ROBO2: variants seen among roughly 807,000 people sequenced by gnomAD.
The protein encoded by ROBO2 is roundabout homolog 2.
ROBO2 carries 53 observed loss-of-function variants against 160.8 expected under a neutral mutation model. The observed-to-expected ratio is 0.33, with a 90% CI of 0.26 to 0.41. The LOEUF (loss-of-function observed/expected upper bound fraction) is 0.41, where lower values mean the gene tolerates loss of function less well. Among genes scored for constraint, ROBO2 ranks in the 10% least tolerant of loss-of-function variants. The pLI, the probability that ROBO2 is intolerant of heterozygous loss-of-function variation, is 1.00. For missense variants in ROBO2, 1,577 were observed against 1,722.4 expected (o/e 0.92, Z 1.49); for synonymous variants, 664 against 611.7 (o/e 1.09, Z -1.26).
At chr3:76,457,867 G>A (rs2077858386) in intron 2 of ROBO2, among the ~76,000 whole-genome samples, 1 of 152,118 alleles carries the variant, frequency 6.6e-6, no homozygotes, top group African/African-American at 2.4e-5. Context: ...CTGTACCTTG[G>A]CCCCTTTCAG....
chr3:77,252,204 A>C (rs2153303188), intron 2 of ROBO2, among the ~76,000 whole-genome samples: 1 of 152,272 alleles, frequency 6.6e-6, no homozygotes, highest in African/African-American at 2.4e-5. Flanking sequence ...CTGTATAATA[A>C]GGATTTCCTT....
intron 5 of ROBO2, among the ~76,000 whole-genome samples, chr3:77,502,329 A>C (rs1283387330): frequency 1.3e-5 from 2 of 152,192 alleles, no homozygotes; most frequent in Non-Finnish European, 2.9e-5. Flanking sequence ...GCACATGTTA[A>C]AGTTTTGAAA....
chr3:76,142,046 A>G (rs1213853972), intron 2 of ROBO2, among the ~76,000 whole-genome samples: 7 of 152,048 alleles, frequency 4.6e-5, no homozygotes, highest in Admixed American at 4.6e-4. Flanking sequence ...GGTCAGACAT[A>G]TAAGACACAA....
intron 2 of ROBO2, among the ~76,000 whole-genome samples, chr3:77,351,671 G>C (rs1164712263): frequency 6.6e-6 from 1 of 152,132 alleles, no homozygotes; most frequent in East Asian, 1.9e-4. Context: ...TCATTTATCA[G>C]CAAGTAGAAT....
intron 2 of ROBO2, among the ~76,000 whole-genome samples, chr3:76,229,428 A>C (rs1408824088): frequency 6.6e-6 from 1 of 152,138 alleles, no homozygotes; most frequent in Non-Finnish European, 1.5e-5. Flanking sequence ...TCAAAAAAAC[A>C]AGCAATAGAT....
intron 2 of ROBO2, among the ~76,000 whole-genome samples, chr3:76,613,325 G>A (rs1407491093): frequency 1.3e-5 from 2 of 151,990 alleles, no homozygotes; most frequent in Admixed American, 1.3e-4. Context: ...CTTTTTGTGT[G>A]TCTGAATCTC....
chr3:77,300,994 G>T (rs979922904), intron 2 of ROBO2, among the ~76,000 whole-genome samples: 1 of 151,532 alleles, frequency 6.6e-6, no homozygotes, highest in Admixed American at 6.6e-5. Context: ...TCAGCCTCCC[G>T]AGTAGCTGGG....
rs955343949 is a variant in ROBO2 at position 77,309,108 on chromosome 3, G to A, written c.389-168306G>A. ...TTATTTTGTTTTGTTTTAATCCCAA[G>A]TAATTTCAATTTATAGCTAGGATTG... On this transcript the variant is annotated intron_variant, in intron 2 of 25. Transcript: ENST00000461745. 2.0e-5 allele frequency among the ~76,000 whole-genome samples: 3 copies of A among 149,930 alleles called. No homozygotes were observed. The East Asian group carries it at 5.9e-4, about 29-fold the overall frequency.
chr3:77,448,598 C>T (rs1457471656), intron 2 of ROBO2, among the ~76,000 whole-genome samples: 5 of 150,876 alleles, frequency 3.3e-5, no homozygotes, highest in Admixed American at 6.6e-5. Context: ...TTTTATTATG[C>T]GTAAGGACAG....
chr3:76,395,105 A>G (rs1198080749), intron 2 of ROBO2, among the ~76,000 whole-genome samples: 1 of 152,142 alleles, frequency 6.6e-6, no homozygotes, highest in Non-Finnish European at 1.5e-5. Flanking sequence ...ATGTAAAAGA[A>G]TAGAAATTAT....
intron 2 of ROBO2, among the ~76,000 whole-genome samples, chr3:76,564,740 A>G (rs2084407757): frequency 6.6e-6 from 1 of 152,172 alleles, no homozygotes; most frequent in African/African-American, 2.4e-5. Flanking sequence ...TTCATAGTTC[A>G]CATTTTTCTA....
At chr3:76,255,270 T>C (rs184952980) in intron 2 of ROBO2, among the ~76,000 whole-genome samples, 230 of 152,312 alleles carry the variant, frequency 1.5e-3, no homozygotes, top group Non-Finnish European at 2.2e-3. Flanking sequence ...CTGCTATTTA[T>C]TGTTTTCTAA....
chr3:76,855,359 A>G (rs1445356473), intron 2 of ROBO2, among the ~76,000 whole-genome samples: 2 of 152,190 alleles, frequency 1.3e-5, no homozygotes, highest in Non-Finnish European at 2.9e-5. Context: ...GTCTTTACAC[A>G]TGGCTTTACC....
chr3:77,374,113 T>C (rs2072250667), intron 2 of ROBO2, among the ~76,000 whole-genome samples: 1 of 128,526 alleles, frequency 7.8e-6, no homozygotes, highest in Admixed American at 1.0e-4. Flanking sequence ...GAGCTTGCAG[T>C]GAGCTGAGAT....
intron 7 of ROBO2, 90 bp from the exon 9 acceptor site, chr3:77,550,728 C>T: frequency 7.6e-7 from 1 of 1,323,450 alleles, no homozygotes; most frequent in Non-Finnish European, 1.1e-6. Context: ...TTTCTTTTTC[C>T]CACTGTATTC....
intron 2 of ROBO2, among the ~76,000 whole-genome samples, chr3:76,701,121 C>T (rs959682362): frequency 6.6e-5 from 10 of 151,974 alleles, no homozygotes; most frequent in Admixed American, 6.6e-5. Context: ...ATAAAAAATG[C>T]CCGCTTTTTG....
chr3:76,287,882 C>A (rs892450355), intron 2 of ROBO2, among the ~76,000 whole-genome samples: 2 of 133,768 alleles, frequency 1.5e-5, no homozygotes, highest in African/African-American at 6.4e-5. Context: ...TTTTTGTATT[C>A]ATAATTATAT....
intron 2 of ROBO2, among the ~76,000 whole-genome samples, chr3:76,767,611 C>A (rs1237750617): frequency 2.6e-5 from 4 of 151,474 alleles, no homozygotes; most frequent in African/African-American, 9.7e-5. Context: ...TAGTGCAGAA[C>A]AACCTCCATA....
chr3:77,530,592 G>A (rs2091621031), intron 6 of ROBO2, among the ~76,000 whole-genome samples: 1 of 151,992 alleles, frequency 6.6e-6, no homozygotes, highest in African/African-American at 2.4e-5. Flanking sequence ...TGCCAACAGA[G>A]GAAAGTGTTT....
Sources: allele counts gnomAD v4.1 joint callset (sites outside exome capture counted in the v4.1 genomes callset), GRCh38; gene constraint gnomAD v4.1.1; transcripts MANE v1.5; gene names NCBI Gene and HGNC (gene_info 2026-07-23, HGNC 2026-07-21).